Variants in IMPA1 observed in about 807,000 individuals in gnomAD.
The protein encoded by IMPA1 is D-galactose 1-phosphate phosphatase.
Under a neutral mutation model 34.9 loss-of-function variants are expected in IMPA1, and 21 were observed. The ratio of observed to expected loss-of-function variants is 0.60; its 90% CI spans 0.43 to 0.87. The LOEUF (loss-of-function observed/expected upper bound fraction) is 0.87. Among genes scored for constraint, IMPA1 ranks in the 40% least tolerant of loss-of-function variants. The pLI is 0.00. For missense variants in IMPA1, 299 were observed against 336.4 expected, an observed-to-expected ratio of 0.89 and a Z score of 0.87; for synonymous variants, 95 against 104.4, an observed-to-expected ratio of 0.91 and a Z score of 0.55.
At chr8:81,667,822 G>T (rs898043980) in intron 7 of IMPA1, among the ~76,000 whole-genome samples, 2 of 150,958 alleles carry the variant, frequency 1.3e-5, no homozygotes, top group African/African-American at 4.9e-5. Flanking sequence ...ATGACTAAGG[G>T]TTTCTTTTTT....
chr8:81,686,061 G>C, intron 1 of IMPA1, 191 bp downstream of exon 1: 1 of 1,089,698 alleles, frequency 9.2e-7, no homozygotes. Flanking sequence ...CTCCAATGCC[G>C]GAACTGTTCC....
Position 81,667,968 on chromosome 8 carries a change from C to T in IMPA1, c.566+2971G>A, listed in dbSNP as rs554703495. Among the ~76,000 whole-genome samples the T allele has an allele frequency of 2.0e-4, 30 of 151,994 alleles. 1 individual carries two copies. Among genetic ancestry groups the T allele is most frequent in the African/African-American group, 7.0e-4 (29 of 41,464 alleles). On this transcript the variant is annotated intron_variant, in intron 7 of 8. Coordinates refer to ENST00000256108, the MANE Select transcript of IMPA1 (RefSeq NM_005536.4). ...CCTCCGGAGTAGCTGGGACTACAAG[C>T]GCCCGCCACCACGCCTGGCTAATTT...
chr8:81,670,500 G>A (rs949852899), intron 7 of IMPA1, among the ~76,000 whole-genome samples: 3 of 152,108 alleles, frequency 2.0e-5, no homozygotes, highest in African/African-American at 7.2e-5. Context: ...GACAAAATAA[G>A]TGACAAGGTG....
chr8:81,675,780 C>T (rs996053530), intron 5 of IMPA1, among the ~76,000 whole-genome samples: 5 of 152,182 alleles, frequency 3.3e-5, no homozygotes, highest in Admixed American at 6.5e-5. Flanking sequence ...CATAAGACAA[C>T]CTGAACTATG....
Position 81,673,854 on chromosome 8 carries a change from A to C in IMPA1, c.444T>G (p.Val148=). The C allele has an allele frequency of 6.3e-7, 1 of 1,597,240 alleles. No homozygotes were observed. Among genetic ancestry groups the C allele is most frequent in the Admixed American group, 1.7e-5 (1 of 59,958 alleles). The change falls in exon 6 of 9, where the codon GTT becomes GTG. Residue 148 remains valine (V), a synonymous_variant. Transcript: ENST00000256108. The part of the protein sequence containing the change: ...GAFCNGQKLQ[V]SQQEDITKSL... ...AATTAATCCTACCTTCTTGTTGTGA[A>C]ACTTGTAGTTTTTGACCATTACAAA...
In IMPA1 at chr8:81,660,637, A is replaced by G. The variant is rs1310360671; in HGVS notation, c.597T>C (p.Asn199=). ...CTCCGCCAGTTGCCACAAGGCACAT[A>G]TTAACAGCTGCTGTTCCAACACTCC... ...GIRSVGTAAV[N]MCLVATGGAD... Residue 199 remains asparagine, a synonymous_variant, in exon 8 of 9, where the codon AAT becomes AAC. Coordinates refer to ENST00000256108, the MANE Select transcript of IMPA1 (RefSeq NM_005536.4). 3.1e-6 allele frequency: 5 copies of G among 1,613,270 alleles called. No individual in the cohort carries two copies. Among genetic ancestry groups the G allele is most frequent in the African/African-American group, 2.7e-5 (2 of 74,910 alleles).
At chr8:81,669,376 G>A (rs757678749) in intron 7 of IMPA1, among the ~76,000 whole-genome samples, 38 of 152,184 alleles carry the variant, frequency 2.5e-4, no homozygotes, top group Non-Finnish European at 5.0e-4. Flanking sequence ...GCTGTACCCT[G>A]CAAAGCCACA....
At chr8:81,666,460 ATTG>A (rs940573872) in intron 7 of IMPA1, among the ~76,000 whole-genome samples, 79 of 152,372 alleles carry the variant, frequency 5.2e-4, no homozygotes, top group African/African-American at 1.8e-3. Context: ...AGATTTTCAA[ATTG>A]ACTTATAAAG....
At chr8:81,674,768 G>C (rs1284815807) in intron 5 of IMPA1, 4 of 454,332 alleles carry the variant, frequency 8.8e-6, no homozygotes, top group South Asian at 6.2e-5. Context: ...GTTTTTTACA[G>C]TCCACAAATT....
At chr8:81,659,517 C>A in intron 8 of IMPA1, 51 bp from the exon 9 acceptor site, 1 of 1,016,420 alleles carries the variant, frequency 9.8e-7, no homozygotes, top group South Asian at 1.3e-5. Flanking sequence ...AAAAATAATT[C>A]ATATAAAACA....
intron 1 of IMPA1, among the ~76,000 whole-genome samples, chr8:81,684,729 G>A (rs1807441374): frequency 7.1e-6 from 1 of 140,682 alleles, no homozygotes; most frequent in Admixed American, 7.2e-5. Flanking sequence ...GATACTATGT[G>A]GAGTATATAT....
At chr8:81,661,115 A>C (rs908166799) in intron 7 of IMPA1, among the ~76,000 whole-genome samples, 10 of 152,208 alleles carry the variant, frequency 6.6e-5, no homozygotes, top group Non-Finnish European at 4.4e-5. Context: ...TGCCTAAAGC[A>C]ACAACAGCAT....
chr8:81,664,500 C>A (rs1387858613), intron 7 of IMPA1, among the ~76,000 whole-genome samples: 1 of 152,136 alleles, frequency 6.6e-6, no homozygotes, highest in Non-Finnish European at 1.5e-5. Context: ...GACAAAACCA[C>A]CCTCAGAAAA....
At position 81,656,981 on chromosome 8, in the gene IMPA1, T is replaced by C. The variant is rs1432807653; in HGVS notation, c.*2370A>G. On this transcript the variant is annotated 3_prime_UTR_variant, in exon 9 of 9. Transcript: ENST00000256108. ...ATTTATGTATATTTATGTATGTATC[T>C]GTGTATGTATCCACATGCAGAAAGA... 6.6e-6 allele frequency among the ~76,000 whole-genome samples: 1 copy of C among 152,226 alleles called. No homozygotes were observed. Among genetic ancestry groups the C allele is most frequent in the African/African-American group, 2.4e-5 (1 of 41,452 alleles).
chr8:81,679,360 T>C (rs1807224966), intron 3 of IMPA1, 130 bp from the exon 4 acceptor site: 1 of 648,500 alleles, frequency 1.5e-6, no homozygotes, highest in African/African-American at 1.8e-5. Flanking sequence ...ACGCCTGTAA[T>C]CCCAGCACTT....
At chr8:81,678,670 C>A in intron 4 of IMPA1, 2 of 182,848 alleles carry the variant, frequency 1.1e-5, no homozygotes, top group Non-Finnish European at 1.2e-5. Context: ...TCAGCCTGGC[C>A]AACAAGAGGG....
At chr8:81,678,296 T>C (rs1375498914) in intron 4 of IMPA1, among the ~76,000 whole-genome samples, 3 of 152,142 alleles carry the variant, frequency 2.0e-5, no homozygotes, top group Admixed American at 1.3e-4. Context: ...ACTCATTCTA[T>C]ATCGACAGCA....
chr8:81,683,792 C>A (rs1807374851), intron 1 of IMPA1, among the ~76,000 whole-genome samples: 3 of 151,896 alleles, frequency 2.0e-5, no homozygotes, highest in African/African-American at 7.3e-5. Flanking sequence ...TGGATAATCA[C>A]TGGATAGGCA....
intron 4 of IMPA1, among the ~76,000 whole-genome samples, chr8:81,677,912 T>G (rs1807175672): frequency 6.6e-6 from 1 of 152,196 alleles, no homozygotes; most frequent in South Asian, 2.1e-4. Flanking sequence ...CTACTGATTT[T>G]AACTCTCATG....
Sources: allele counts gnomAD v4.1 joint callset (sites outside exome capture counted in the v4.1 genomes callset), GRCh38; gene constraint gnomAD v4.1.1; transcripts MANE v1.5; gene names NCBI Gene and HGNC (gene_info 2026-07-23, HGNC 2026-07-21).